The following CYP7B1 variants were observed in gnomAD, a reference collection of about 807,000 sequenced individuals.
CYP7B1 encodes the protein cytochrome P450 7B1.
A neutral mutation model predicts 42.7 loss-of-function variants in CYP7B1; 29 were observed. The ratio of observed to expected loss-of-function variants is 0.68; its 90% CI spans 0.51 to 0.93. The LOEUF is 0.93. CYP7B1 is among the 40% of genes least tolerant of loss of function. The pLI is 0.00. For synonymous variants in CYP7B1, 235 were observed against 218.2 expected, an observed-to-expected ratio of 1.08 and a Z score of -0.68; for missense variants, 655 against 600.5, an observed-to-expected ratio of 1.09 and a Z score of -0.95.
At chr8:64,688,189 C>T (rs1475322151) in intron 1 of CYP7B1, among the ~76,000 whole-genome samples, 1 of 152,216 alleles carries the variant, frequency 6.6e-6, no homozygotes, top group Admixed American at 6.5e-5. Context: ...TGGGTCACTA[C>T]ATCTGTGAAG....
intron 1 of CYP7B1, among the ~76,000 whole-genome samples, chr8:64,641,052 T>C (rs954487097): frequency 6.6e-6 from 1 of 152,222 alleles, no homozygotes; most frequent in Non-Finnish European, 1.5e-5. Context: ...TTAGCCATTG[T>C]GATTCATAAA....
intron 1 of CYP7B1, among the ~76,000 whole-genome samples, chr8:64,625,348 A>G (rs959483063): frequency 3.9e-5 from 6 of 152,144 alleles, no homozygotes; most frequent in African/African-American, 1.4e-4. Flanking sequence ...GGCCTGGATG[A>G]CTGCCTGATA....
At chr8:64,667,081 C>A (rs1356919570) in intron 1 of CYP7B1, among the ~76,000 whole-genome samples, 3 of 152,124 alleles carry the variant, frequency 2.0e-5, no homozygotes, top group Non-Finnish European at 4.4e-5. Context: ...AGAGTCATTT[C>A]TGGTTGATTT....
At chr8:64,782,267 C>A (rs1480759357) in intron 1 of CYP7B1, among the ~76,000 whole-genome samples, 1 of 152,132 alleles carries the variant, frequency 6.6e-6, no homozygotes, top group Admixed American at 6.5e-5. Flanking sequence ...ATGTTGAAAC[C>A]TAATCTATAA....
In CYP7B1 at chr8:64,595,038, T is replaced by A. The variant is rs1805096230; in HGVS notation, c.*1604A>T. Among the ~76,000 whole-genome samples, 1 of 152,202 alleles carries A rather than the reference T, an allele frequency of 6.6e-6. No homozygotes were observed. Among genetic ancestry groups the A allele is most frequent in the South Asian group, 2.1e-4 (1 of 4,822 alleles). On this transcript the variant is annotated 3_prime_UTR_variant, in exon 6 of 6. Coordinates refer to ENST00000310193, the MANE Select transcript of CYP7B1 (RefSeq NM_004820.5). Reference sequence around the variant, plus strand: ...AAGAGACAGACTACCTATTGAGTAATTAAACTCACTAACGGCTATCCGCCC... The same window carrying A: ...AAGAGACAGACTACCTATTGAGTAAATAAACTCACTAACGGCTATCCGCCC...
chr8:64,709,344 T>C (rs1807046746), intron 1 of CYP7B1, among the ~76,000 whole-genome samples: 1 of 152,232 alleles, frequency 6.6e-6, no homozygotes, highest in Non-Finnish European at 1.5e-5. Flanking sequence ...TATTTCTGAA[T>C]ATAAAGTGTA....
intron 1 of CYP7B1, among the ~76,000 whole-genome samples, chr8:64,718,018 C>T (rs544311522): frequency 1.3e-5 from 2 of 151,838 alleles, no homozygotes; most frequent in East Asian, 1.9e-4. Flanking sequence ...AATTGCTATA[C>T]AGTCACGAGT....
chr8:64,700,688 T>C (rs1184141458), intron 1 of CYP7B1, among the ~76,000 whole-genome samples: 3 of 152,162 alleles, frequency 2.0e-5, no homozygotes, highest in Admixed American at 6.5e-5. Context: ...AGTGAAGATA[T>C]ATGCATTTCA....
chr8:64,601,255 T>C (rs1585798722), intron 5 of CYP7B1, among the ~76,000 whole-genome samples: 1 of 152,210 alleles, frequency 6.6e-6, no homozygotes, highest in South Asian at 2.1e-4. Flanking sequence ...ACAAACAAGA[T>C]CTTCCATCTT....
intron 1 of CYP7B1, among the ~76,000 whole-genome samples, chr8:64,749,525 T>A (rs1563414399): frequency 6.6e-6 from 1 of 152,144 alleles, no homozygotes. Flanking sequence ...AAAGAAATAG[T>A]GGATTTTAGA....
intron 1 of CYP7B1, among the ~76,000 whole-genome samples, chr8:64,722,268 G>A (rs1369832960): frequency 6.6e-6 from 1 of 152,186 alleles, no homozygotes; most frequent in East Asian, 1.9e-4. Flanking sequence ...AAACAGAGCA[G>A]CCTAAGCTGT....
intron 1 of CYP7B1, among the ~76,000 whole-genome samples, chr8:64,724,261 C>T (rs1042222576): frequency 6.6e-6 from 1 of 152,116 alleles, no homozygotes; most frequent in East Asian, 1.9e-4. Flanking sequence ...TAACTTCTGC[C>T]TTAGCCTCCG....
chr8:64,761,421 T>C (rs1807888110), intron 1 of CYP7B1, among the ~76,000 whole-genome samples: 1 of 152,130 alleles, frequency 6.6e-6, no homozygotes. Flanking sequence ...GATATACTCA[T>C]ATAAAACACC....
chr8:64,736,445 A>G (rs946310433), intron 1 of CYP7B1, among the ~76,000 whole-genome samples: 1 of 152,006 alleles, frequency 6.6e-6, no homozygotes, highest in African/African-American at 2.4e-5. Context: ...ACCCAACCTG[A>G]ATTTTTATTT....
rs181149574 is a variant in CYP7B1, at chr8:64,656,867, T to C, written c.123-32328A>G. Among the ~76,000 whole-genome samples, 29 of 152,306 alleles carry C rather than the reference T, an allele frequency of 1.9e-4. 1 individual carries two copies. The highest frequency in any genetic ancestry group is 1.9e-3 in the Admixed American group (29 of 15,294). On this transcript the variant is annotated intron_variant, in intron 1 of 5. Transcript: ENST00000310193. ...GAAATCAACAGATTTTAAGTCACCA[T>C]AAACACATTACAATTTAATTTTAAA...
At chr8:64,601,018 A>C (rs890260404) in intron 5 of CYP7B1, among the ~76,000 whole-genome samples, 4 of 152,204 alleles carry the variant, frequency 2.6e-5, no homozygotes, top group African/African-American at 9.6e-5. Context: ...CTTTAAGTCT[A>C]CTAGTGGCAC....
chr8:64,755,826 C>G (rs1807800000), intron 1 of CYP7B1, among the ~76,000 whole-genome samples: 1 of 152,034 alleles, frequency 6.6e-6, no homozygotes, highest in Non-Finnish European at 1.5e-5. Context: ...TATAGGTCTA[C>G]TAATGGAAAG....
chr8:64,647,537 C>G (rs899002707), intron 1 of CYP7B1, among the ~76,000 whole-genome samples: 1 of 152,094 alleles, frequency 6.6e-6, no homozygotes, highest in African/African-American at 2.4e-5. Context: ...GTTGGTAAGT[C>G]TCATGATCTG....
chr8:64,738,938 C>T (rs1412049321), intron 1 of CYP7B1, among the ~76,000 whole-genome samples: 2 of 152,176 alleles, frequency 1.3e-5, no homozygotes, highest in South Asian at 4.1e-4. Context: ...TAGTCTTGGG[C>T]TCCCCAACAC....
Sources: gnomAD v4.1 joint callset for allele counts (sites outside exome capture counted in the v4.1 genomes callset) on GRCh38, gnomAD v4.1.1 for gene constraint, MANE v1.5 for transcripts, NCBI Gene and HGNC (gene_info 2026-07-23, HGNC 2026-07-21) for gene names.